The following UNC79 variants were observed in gnomAD, a reference collection of about 807,000 sequenced individuals.
The protein encoded by UNC79 is protein unc-79 homolog.
In UNC79, 37 loss-of-function variants were observed where a neutral mutation model predicts 283.1. The ratio of observed to expected loss-of-function variants is 0.13; its 90% CI spans 0.10 to 0.17. The LOEUF (loss-of-function observed/expected upper bound fraction) is 0.17, where lower values mean the gene tolerates loss of function less well. UNC79 is among the 10% of genes least tolerant of loss of function. The probability of loss-of-function intolerance (pLI) is 1.00; values close to 1 mark genes in which losing one functional copy is unlikely to be tolerated. For synonymous variants in UNC79, 1,107 were observed against 1,200.2 expected (o/e 0.92, Z 1.61); for missense variants, 2,272 against 3,211.1 (o/e 0.71, Z 7.07).
chr14:93,635,660 T>G (rs1200135366), intron 31 of UNC79, among the ~76,000 whole-genome samples: 1 of 152,228 alleles, frequency 6.6e-6, no homozygotes, highest in East Asian at 1.9e-4. Flanking sequence ...TCTAGATAAC[T>G]AAATCCCACA....
At chr14:93,476,610 T>C (rs1006915432) in intron 3 of UNC79, among the ~76,000 whole-genome samples, 1 of 152,198 alleles carries the variant, frequency 6.6e-6, no homozygotes, top group African/African-American at 2.4e-5. Context: ...CCAAAGAAGG[T>C]TCATCTGCTG....
At chr14:93,519,228 T>C (rs2060208877) in intron 7 of UNC79, among the ~76,000 whole-genome samples, 1 of 151,904 alleles carries the variant, frequency 6.6e-6, no homozygotes, top group South Asian at 2.1e-4. Context: ...CCTTTCATCA[T>C]TGTAAAATTG....
At chr14:93,360,799 CT>C (rs1364931869) in intron 1 of UNC79, among the ~76,000 whole-genome samples, 31 of 152,186 alleles carry the variant, frequency 2.0e-4, no homozygotes, top group African/African-American at 7.2e-4. Flanking sequence ...ATAAATTTGA[CT>C]GAAATTCAGG....
intron 1 of UNC79, among the ~76,000 whole-genome samples, chr14:93,447,579 GT>G (rs917284524): frequency 1.9e-4 from 28 of 146,300 alleles, no homozygotes; most frequent in Non-Finnish European, 2.9e-4. Flanking sequence ...GGTGCTCTTT[GT>G]TTTTTTTTTC....
chr14:93,347,945 T>C (rs771098903), intron 1 of UNC79: 22 of 825,062 alleles, frequency 2.7e-5, no homozygotes, highest in Non-Finnish European at 4.0e-5. Flanking sequence ...GCTCAAAATG[T>C]TTTTTTTAAG....
At chr14:93,564,535 C>T (rs2062758059) in intron 14 of UNC79, among the ~76,000 whole-genome samples, 1 of 152,146 alleles carries the variant, frequency 6.6e-6, no homozygotes, top group Admixed American at 6.5e-5. Context: ...GATTGATCTC[C>T]CAAGGGAGGT....
At chr14:93,562,380 T>C (rs892074603) in intron 14 of UNC79, among the ~76,000 whole-genome samples, 1 of 152,224 alleles carries the variant, frequency 6.6e-6, no homozygotes, top group Non-Finnish European at 1.5e-5. Context: ...GGAAGATAGT[T>C]GCCTAGAGGA....
At chr14:93,612,211 A>T (rs924309133) in intron 26 of UNC79, among the ~76,000 whole-genome samples, 1 of 152,202 alleles carries the variant, frequency 6.6e-6, no homozygotes, top group Non-Finnish European at 1.5e-5. Context: ...AGCAGGGCTT[A>T]TAATTTGCTA....
intron 14 of UNC79, among the ~76,000 whole-genome samples, chr14:93,561,150 A>G (rs1029436119): frequency 6.6e-5 from 10 of 152,130 alleles, no homozygotes; most frequent in East Asian, 5.8e-4. Context: ...TAAGGCTCCA[A>G]TTGTTTCAGT....
At chr14:93,342,597 C>T (rs2053737474) in intron 1 of UNC79, among the ~76,000 whole-genome samples, 3 of 152,186 alleles carry the variant, frequency 2.0e-5, no homozygotes, top group African/African-American at 4.8e-5. Flanking sequence ...GAATTTCTCC[C>T]CACAAAATGG....
At chr14:93,347,376 G>A in intron 1 of UNC79, 1 of 1,524,754 alleles carries the variant, frequency 6.6e-7, no homozygotes, top group Non-Finnish European at 8.8e-7. Context: ...CCCCGCGCCA[G>A]CGGCCCCTGT....
intron 30 of UNC79, among the ~76,000 whole-genome samples, chr14:93,624,513 G>T (rs1475216511): frequency 1.3e-5 from 2 of 152,116 alleles, no homozygotes; most frequent in African/African-American, 4.8e-5. Flanking sequence ...GTGATGTGTA[G>T]GTTGCATGTA....
At chr14:93,543,257 C>T (rs1595811647) in intron 14 of UNC79, among the ~76,000 whole-genome samples, 1 of 151,664 alleles carries the variant, frequency 6.6e-6, no homozygotes, top group Non-Finnish European at 1.5e-5. Flanking sequence ...ATTTGAAATG[C>T]CAAAAAGGTT....
intron 1 of UNC79, among the ~76,000 whole-genome samples, chr14:93,405,111 CT>C (rs2055200104): frequency 6.6e-6 from 1 of 151,960 alleles, no homozygotes; most frequent in South Asian, 2.1e-4. Flanking sequence ...GGTGAAACCC[CT>C]TCTCTACTAA....
At chr14:93,582,542 G>C (rs965164693) in intron 20 of UNC79, among the ~76,000 whole-genome samples, 198 bp downstream of exon 20, 1 of 152,140 alleles carries the variant, frequency 6.6e-6, no homozygotes, top group Non-Finnish European at 1.5e-5. Context: ...AGTTCCCTGA[G>C]CATCTTTCTG....
At chr14:93,616,366 C>CTTTTTT (rs71463917) in intron 27 of UNC79, among the ~76,000 whole-genome samples, 1 of 96,244 alleles carries the variant, frequency 1.0e-5, no homozygotes. Context: ...TTCTTTTTTC[C>CTTTTTT]TTTTTTTTTT....
At chr14:93,512,083 T>C (rs2059852027) in intron 7 of UNC79, among the ~76,000 whole-genome samples, 1 of 152,194 alleles carries the variant, frequency 6.6e-6, no homozygotes. Context: ...AATTGCTCTA[T>C]CTTTATTGCC....
chr14:93,423,711 A>C (rs1273328248), intron 1 of UNC79, among the ~76,000 whole-genome samples: 2 of 152,248 alleles, frequency 1.3e-5, no homozygotes, highest in Non-Finnish European at 2.9e-5. Flanking sequence ...ACAAAAATCA[A>C]ATCAAAATGG....
In UNC79 at chr14:93,430,781, A is replaced by G. The variant is rs973247423; in HGVS notation, c.-249A>G. The G allele has an allele frequency of 9.1e-6, 4 of 441,106 alleles. No homozygotes were observed. Among genetic ancestry groups the G allele is most frequent in the South Asian group, 2.6e-5 (1 of 38,926 alleles). 27.3% of individuals were successfully genotyped at this position (441,106 alleles called of 1,614,324 possible). A position where few individuals can be genotyped will look rare whatever the true frequency, so the allele number is the denominator to read the frequency against. ...CGGGCAGCTCCAGGAGGGGACGGAC[A>G]GGAAGCCTTTGGCCGCCTATTAAAT... On this transcript the variant is annotated 5_prime_UTR_variant, in exon 1 of 49. Coordinates refer to ENST00000555664, the Ensembl canonical transcript of UNC79. The surrounding 1 kb of genome is among the most constrained non-coding windows in gnomAD (Gnocchi z 4.6).
Sources: allele counts gnomAD v4.1 joint callset (sites outside exome capture counted in the v4.1 genomes callset), GRCh38; gene constraint gnomAD v4.1.1; non-coding constraint Gnocchi (gnomAD v3.1); transcripts MANE v1.5; gene names NCBI Gene and HGNC (gene_info 2026-07-23, HGNC 2026-07-21).